Variants in CADM2 observed in about 807,000 individuals in gnomAD.
CADM2 encodes the protein immunoglobulin superfamily member 4D.
CADM2 carries 12 observed loss-of-function variants against 49.8 expected under a neutral mutation model. The observed-to-expected ratio is 0.24, with a 90% CI of 0.15 to 0.39. The LOEUF is 0.39. CADM2 is among the 10% of genes least tolerant of loss of function. The pLI, the probability that CADM2 is intolerant of heterozygous loss-of-function variation, is 1.00. For synonymous variants in CADM2, 214 were observed against 175.4 expected, an observed-to-expected ratio of 1.22 and a Z score of -1.74; for missense variants, 378 against 492.3, an observed-to-expected ratio of 0.77 and a Z score of 2.20.
intron 2 of CADM2, among the ~76,000 whole-genome samples, chr3:85,762,661 C>G (rs2069452547): frequency 6.7e-6 from 1 of 149,044 alleles, no homozygotes; most frequent in African/African-American, 2.5e-5. Context: ...AGTTTTTGTT[C>G]TTTTCATTTT....
chr3:85,403,747 G>T (rs1576491390), intron 1 of CADM2, among the ~76,000 whole-genome samples: 1 of 152,214 alleles, frequency 6.6e-6, no homozygotes, highest in Non-Finnish European at 1.5e-5. Flanking sequence ...ACTTCCAGAA[G>T]ATTATAAGTA....
intron 1 of CADM2, among the ~76,000 whole-genome samples, chr3:85,591,105 C>T (rs1283828556): frequency 1.3e-5 from 2 of 151,930 alleles, no homozygotes; most frequent in East Asian, 3.9e-4. Flanking sequence ...TCCTGAAAAT[C>T]AACAATTTGT....
intron 1 of CADM2, among the ~76,000 whole-genome samples, chr3:85,342,553 A>G (rs79758713): frequency 0.071 from 10,767 of 152,146 alleles, 725 homozygotes; most frequent in African/African-American, 0.17. Context: ...ACGCATGTAA[A>G]GAATAGTCCT....
intron 8 of CADM2, among the ~76,000 whole-genome samples, chr3:86,038,651 T>C (rs1735466075): frequency 6.6e-6 from 1 of 152,214 alleles, no homozygotes; most frequent in Non-Finnish European, 1.5e-5. Flanking sequence ...TATTACATTT[T>C]TCCCCTGATC....
intron 2 of CADM2, among the ~76,000 whole-genome samples, chr3:85,752,296 AC>A (rs2068894152): frequency 6.6e-6 from 1 of 152,126 alleles, no homozygotes; most frequent in African/African-American, 2.4e-5. Context: ...AGAGTTCTGC[AC>A]TTGTCTAACT....
At chr3:85,510,197 G>C (rs1206818233) in intron 1 of CADM2, among the ~76,000 whole-genome samples, 1 of 151,998 alleles carries the variant, frequency 6.6e-6, no homozygotes, top group African/African-American at 2.4e-5. Flanking sequence ...TTTATAAGGA[G>C]CTATGTGTAT....
intron 1 of CADM2, among the ~76,000 whole-genome samples, chr3:85,363,223 A>G (rs1194764077): frequency 1.3e-5 from 2 of 152,188 alleles, no homozygotes; most frequent in African/African-American, 4.8e-5. Flanking sequence ...AGTTTTACAT[A>G]TGGTCATTTC....
intron 2 of CADM2, among the ~76,000 whole-genome samples, chr3:85,790,926 C>T (rs1198636597): frequency 7.9e-5 from 12 of 152,082 alleles, no homozygotes; most frequent in African/African-American, 2.9e-4. Context: ...AATGGTGGCA[C>T]AGAAGGTGGA....
At chr3:85,789,959 A>C (rs1373079023) in intron 2 of CADM2, among the ~76,000 whole-genome samples, 2 of 152,200 alleles carry the variant, frequency 1.3e-5, no homozygotes, top group East Asian at 3.8e-4. Flanking sequence ...GTTTTAAGAC[A>C]TGCTAAAGCA....
chr3:85,945,956 G>A (rs1722633762), intron 7 of CADM2, among the ~76,000 whole-genome samples: 1 of 152,030 alleles, frequency 6.6e-6, no homozygotes, highest in Non-Finnish European at 1.5e-5. Context: ...AAGAAATAAA[G>A]GGTATTCAGT....
rs979958180 is a variant in CADM2, at chr3:85,428,167, T to C, written c.62-298355T>C. 2.0e-5 allele frequency among the ~76,000 whole-genome samples: 3 copies of C among 151,406 alleles called. No individual in the cohort carries two copies. The South Asian group carries it at 6.2e-4, about 31-fold the overall frequency. On this transcript the variant is annotated intron_variant, in intron 1 of 9. Coordinates refer to ENST00000383699, the MANE Select transcript of CADM2 (RefSeq NM_001167675.2). Reference sequence around the variant, plus strand: ...CTCACATGAATTATAGAATTCATATTGACCAAAAGTGTGTGTATAATTTAT... The same window carrying C: ...CTCACATGAATTATAGAATTCATATCGACCAAAAGTGTGTGTATAATTTAT...
chr3:85,095,225 T>C (rs1323623798), intron 1 of CADM2, among the ~76,000 whole-genome samples: 1 of 152,132 alleles, frequency 6.6e-6, no homozygotes, highest in Non-Finnish European at 1.5e-5. Flanking sequence ...GAGATGTGCA[T>C]ACACAACAAA....
intron 1 of CADM2, among the ~76,000 whole-genome samples, chr3:85,116,968 G>T (rs1213507935): frequency 6.6e-6 from 1 of 152,038 alleles, no homozygotes; most frequent in African/African-American, 2.4e-5. Context: ...ATCTGGGGTG[G>T]GTGGATCATT....
At chr3:85,299,699 A>G (rs1178662901) in intron 1 of CADM2, among the ~76,000 whole-genome samples, 5 of 151,952 alleles carry the variant, frequency 3.3e-5, no homozygotes, top group African/African-American at 9.7e-5. Context: ...AGGGCTTTCA[A>G]TGCAAAGCCA....
intron 1 of CADM2, among the ~76,000 whole-genome samples, chr3:85,599,628 A>G (rs781487178): frequency 5.3e-5 from 8 of 151,934 alleles, no homozygotes; most frequent in Admixed American, 4.0e-4. Flanking sequence ...CAATACCCAC[A>G]ATTATTTTCT....
intron 1 of CADM2, among the ~76,000 whole-genome samples, chr3:85,444,022 G>A (rs956671496): frequency 6.6e-6 from 1 of 152,024 alleles, no homozygotes; most frequent in Admixed American, 6.6e-5. Flanking sequence ...GATTTCAGCT[G>A]TCCAGTTGCT....
chr3:85,650,015 T>G (rs2064997846), intron 1 of CADM2, among the ~76,000 whole-genome samples: 1 of 152,196 alleles, frequency 6.6e-6, no homozygotes, highest in Non-Finnish European at 1.5e-5. Context: ...TCCTCATCTT[T>G]CTCTATAAAT....
chr3:85,939,068 T>C (rs1229430792), intron 7 of CADM2, among the ~76,000 whole-genome samples: 1 of 152,076 alleles, frequency 6.6e-6, no homozygotes, highest in African/African-American at 2.4e-5. Flanking sequence ...TGGCTCAAGT[T>C]GCACTGAGCC....
chr3:85,065,180 A>G (rs1201304680), intron 1 of CADM2, among the ~76,000 whole-genome samples: 2 of 152,086 alleles, frequency 1.3e-5, no homozygotes. Context: ...AAATAACTTC[A>G]TCTGATATTT....
Sources: gnomAD v4.1 joint callset for allele counts (sites outside exome capture counted in the v4.1 genomes callset) on GRCh38, gnomAD v4.1.1 for gene constraint, MANE v1.5 for transcripts, NCBI Gene and HGNC (gene_info 2026-07-23, HGNC 2026-07-21) for gene names.